USP18: variants seen among roughly 807,000 people sequenced by gnomAD.
USP18 encodes ubl carboxyl-terminal hydrolase 18.
Under a neutral mutation model 48.7 loss-of-function variants are expected in USP18, and 11 were observed. The ratio of observed to expected loss-of-function variants is 0.23; its 90% CI spans 0.14 to 0.37. The LOEUF (loss-of-function observed/expected upper bound fraction) is 0.37. USP18 is among the 10% of genes least tolerant of loss of function. The probability of loss-of-function intolerance (pLI) is 1.00; values close to 1 mark genes in which losing one functional copy is unlikely to be tolerated. For missense variants in USP18, 285 were observed against 436.4 expected (o/e 0.65, Z 3.09); for synonymous variants, 114 against 163.2 (o/e 0.70, Z 2.30).
At chr22:18,157,197 G>C (rs1929181868) in intron 1 of USP18, among the ~76,000 whole-genome samples, 1 of 152,262 alleles carries the variant, frequency 6.6e-6, no homozygotes, top group South Asian at 2.1e-4. Flanking sequence ...CGGGTTGAGA[G>C]GCTTCCCCTG....
intron 8 of USP18, among the ~76,000 whole-genome samples, chr22:18,171,285 A>C (rs1929618748): frequency 9.6e-6 from 1 of 104,530 alleles, no homozygotes; most frequent in East Asian, 2.4e-4. Context: ...ATCAGAGTAA[A>C]GTTTAATTCA....
chr22:18,163,391 C>T (rs1340879607), intron 4 of USP18, among the ~76,000 whole-genome samples: 1 of 152,084 alleles, frequency 6.6e-6, no homozygotes, highest in South Asian at 2.1e-4. Context: ...CGCCTGTAAT[C>T]CCAGCACTTT....
intron 1 of USP18, among the ~76,000 whole-genome samples, chr22:18,156,743 G>A (rs1466027130): frequency 6.6e-6 from 1 of 152,116 alleles, no homozygotes; most frequent in South Asian, 2.1e-4. Context: ...AAGAAACTCC[G>A]AACACATCCG....
intron 4 of USP18, among the ~76,000 whole-genome samples, chr22:18,164,837 A>G (rs1457874246): frequency 6.6e-6 from 1 of 152,048 alleles, no homozygotes; most frequent in East Asian, 1.9e-4. Context: ...TGGGAACTGC[A>G]AAAGCTGGGG....
At chr22:18,165,811 C>A (rs1436568210) in intron 4 of USP18, among the ~76,000 whole-genome samples, 1 of 149,248 alleles carries the variant, frequency 6.7e-6, no homozygotes, top group Non-Finnish European at 1.5e-5. Context: ...AGCATGCCCA[C>A]TCGGCCACTT....
chr22:18,171,626 G>A (rs982282040), intron 8 of USP18, among the ~76,000 whole-genome samples: 7 of 151,714 alleles, frequency 4.6e-5, no homozygotes, highest in Admixed American at 1.3e-4. Flanking sequence ...GCAAGACCCC[G>A]TCTCTAAAAA....
chr22:18,154,827 A>G (rs1569208063), intron 1 of USP18, among the ~76,000 whole-genome samples: 1 of 152,024 alleles, frequency 6.6e-6, no homozygotes, highest in East Asian at 1.9e-4. Flanking sequence ...CTTGATCCTT[A>G]TGGCTGTGTG....
At chr22:18,168,403 C>A (rs202164569) in intron 6 of USP18, among the ~76,000 whole-genome samples, 13 of 133,242 alleles carry the variant, frequency 9.8e-5, no homozygotes, top group South Asian at 4.7e-4. Context: ...CCTCCCCCCC[C>A]CCTTTTTTTT....
intron 9 of USP18, 85 bp from the exon 10 acceptor site, chr22:18,173,708 G>T (rs778056961): frequency 7.6e-6 from 12 of 1,583,394 alleles, no homozygotes; most frequent in Non-Finnish European, 1.0e-5. Context: ...CTTGTCTGGA[G>T]GATGAGGGGC....
rs1235625358 is a variant in USP18 at position 18,161,942 on chromosome 22, T to C, written c.400+7T>C. ...CAGAAGTGCAACGTGCCCTGTAAGA[T>C]ACCCTCCCACTGGGCTCCTGGCTGC... On this transcript the variant is annotated splice_region_variant and intron_variant, in intron 4 of 10. Coordinates refer to ENST00000215794, the MANE Select transcript of USP18 (RefSeq NM_017414.4). 1.9e-6 allele frequency: 3 copies of C among 1,606,636 alleles called. No homozygotes were observed. Among genetic ancestry groups the C allele is most frequent in the South Asian group, 1.1e-5 (1 of 90,322 alleles).
intron 10 of USP18, among the ~76,000 whole-genome samples, chr22:18,174,733 C>T (rs541528647): frequency 3.3e-5 from 5 of 152,044 alleles, no homozygotes; most frequent in Non-Finnish European, 7.4e-5. Context: ...GGACTACAGG[C>T]ATACAGTCTG....
intron 10 of USP18, among the ~76,000 whole-genome samples, chr22:18,174,553 T>C (rs1425787366): frequency 6.6e-6 from 1 of 152,132 alleles, no homozygotes; most frequent in Non-Finnish European, 1.5e-5. Context: ...TTATTGCATT[T>C]GAGCATACCT....
At chr22:18,161,192 G>A in intron 3 of USP18, among the ~76,000 whole-genome samples, 1 of 150,904 alleles carries the variant, frequency 6.6e-6, no homozygotes, top group Non-Finnish European at 1.5e-5. Context: ...GAGTAAGTCA[G>A]TGGGGAGTAC....
rs139628800 is a variant in USP18 at position 18,169,893 on chromosome 22, G to T, written c.677G>T (p.Ser226Ile). The stretch of plus-strand genomic sequence containing the variant: ...CAGCCCAGGGAGTTATCAAGCAAAA[G>T]CAAGTGCTTCTGTGAGAACTGTGGG... ...FFQPRELSSK[S>I]KCFCENCGKK... Residue 226 changes from serine to isoleucine, a missense_variant, in exon 7 of 11, where the codon AGC becomes ATC. Coordinates refer to ENST00000215794, the MANE Select transcript of USP18 (RefSeq NM_017414.4). 1 of 1,608,934 alleles carries T rather than the reference G, an allele frequency of 6.2e-7. No homozygotes were observed. Among genetic ancestry groups the T allele is most frequent in the Non-Finnish European group, 8.5e-7 (1 of 1,177,466 alleles).
chr22:18,174,257 C>T (rs1344452521), intron 10 of USP18, among the ~76,000 whole-genome samples: 3 of 147,078 alleles, frequency 2.0e-5, no homozygotes, highest in South Asian at 2.1e-4. Flanking sequence ...GACGGAGTCT[C>T]GCTCTGTTGC....
chr22:18,152,089 A>G (rs1929014351), intron 1 of USP18, among the ~76,000 whole-genome samples: 2 of 152,202 alleles, frequency 1.3e-5, no homozygotes. Flanking sequence ...GAAAAAAGAA[A>G]TGCAAAATAA....
chr22:18,151,203 T>G (rs1928991693), intron 1 of USP18, among the ~76,000 whole-genome samples: 1 of 152,192 alleles, frequency 6.6e-6, no homozygotes, highest in South Asian at 2.1e-4. Context: ...TTAACCTCTC[T>G]TCTTCACACC....
chr22:18,157,799 A>G lies in USP18; in HGVS notation c.136A>G (p.Arg46Gly). The G allele has an allele frequency of 1.2e-6, 2 of 1,614,104 alleles. No homozygotes were observed. Among genetic ancestry groups the G allele is most frequent in the South Asian group, 1.1e-5 (1 of 91,078 alleles). Residue 46 changes from arginine (R) to glycine (G), a missense_variant, in exon 2 of 11, where the codon AGG becomes GGG. By Grantham distance (125) the Arg-to-Gly change is moderately radical. Transcript: ENST00000215794. The stretch of plus-strand genomic sequence containing the variant: ...GAGAGAGCAGCCCAGAGAGCGTCCC[A>G]GGGCCTGGGACTACCCTCATGGTCA... ...MKREQPRERP[R>G]AWDYPHGLVG... is the part of the protein sequence containing the mutation.
At chr22:18,158,936 G>GT (rs113745107) in intron 2 of USP18, among the ~76,000 whole-genome samples, 6,971 of 151,556 alleles carry the variant, frequency 0.046, 374 homozygotes, top group African/African-American at 0.13. Context: ...TTTCTCTAAT[G>GT]TTTTTTTTTC....
Sources: allele counts gnomAD v4.1 joint callset (sites outside exome capture counted in the v4.1 genomes callset), GRCh38; gene constraint gnomAD v4.1.1; transcripts MANE v1.5; gene names NCBI Gene and HGNC (gene_info 2026-07-23, HGNC 2026-07-21).